The following KIAA1217 variants were observed in gnomAD, a reference collection of about 807,000 sequenced individuals.
The protein encoded by KIAA1217 is KIAA1217.
In KIAA1217, 88 loss-of-function variants were observed where a neutral mutation model predicts 163.9. The ratio of observed to expected loss-of-function variants is 0.54; its 90% CI spans 0.45 to 0.64. The LOEUF is 0.64. Ranked by LOEUF, KIAA1217 falls within the 30% of genes least tolerant of loss-of-function variation. KIAA1217 has a pLI of 0.00. For missense variants in KIAA1217, 2,372 were observed against 2,475.0 expected (o/e 0.96, Z 0.88); for synonymous variants, 903 against 923.1 (o/e 0.98, Z 0.39).
At chr10:24,035,098 C>G (rs185067404) in intron 2 of KIAA1217, among the ~76,000 whole-genome samples, 2 of 152,300 alleles carry the variant, frequency 1.3e-5, no homozygotes, top group East Asian at 3.9e-4. Flanking sequence ...GATTCTAGGG[C>G]CAGACTGACT....
Position 23,934,778 on chromosome 10 carries a change from C to T in KIAA1217, c.-320-72447C>T, listed in dbSNP as rs113191659. On this transcript the variant is annotated intron_variant, in intron 1 of 18. Coordinates refer to the KIAA1217 transcript ENST00000376462. ...GACTACAGGCACCCGCCACCACACC[C>T]GGCTAATTTTTTGTATTTTTAGTAG... Among the ~76,000 whole-genome samples the T allele has an allele frequency of 7.6e-3, 1,145 of 150,318 alleles. 9 individuals carry two copies. The highest frequency in any genetic ancestry group is 0.013 in the Non-Finnish European group (853 of 67,570).
Position 23,695,007 on chromosome 10 carries a change from G to A in KIAA1217, c.-548G>A, listed in dbSNP as rs1350215121. The A allele has an allele frequency of 2.0e-5, 3 of 152,186 alleles. No individual in the cohort carries two copies. Among genetic ancestry groups the A allele is most frequent in the Admixed American group, 6.5e-5 (1 of 15,288 alleles). The allele number at this position is 152,186 out of a possible 1,614,324, so 9.4% of individuals were successfully genotyped here. A position where few individuals can be genotyped will look rare whatever the true frequency, so the allele number is the denominator to read the frequency against. On this transcript the variant is annotated 5_prime_UTR_variant, in exon 1 of 19. Transcript: ENST00000376462. The surrounding 1 kb of genome is among the most constrained non-coding windows in gnomAD (Gnocchi z 4.9). ...CGCAGCGCCCTGCGCAGCATCCCCGGGCTGCCAGAAGAGGCCACCACTCGG... is the reference window on the plus strand; with the variant it reads ...CGCAGCGCCCTGCGCAGCATCCCCGAGCTGCCAGAAGAGGCCACCACTCGG...
intron 2 of KIAA1217, among the ~76,000 whole-genome samples, chr10:24,139,365 A>G (rs917860843): frequency 2.0e-5 from 3 of 152,174 alleles, no homozygotes; most frequent in African/African-American, 7.2e-5. Context: ...TTTTTTGAGT[A>G]TATATTGATT....
intron 1 of KIAA1217, among the ~76,000 whole-genome samples, chr10:23,731,689 G>A (rs1413582942): frequency 6.6e-6 from 1 of 152,092 alleles, no homozygotes; most frequent in African/African-American, 2.4e-5. Flanking sequence ...GATCTTGGTA[G>A]GAAAGCTTCG....
intron 16 of KIAA1217, among the ~76,000 whole-genome samples, chr10:24,536,180 A>C (rs1023279604): frequency 2.6e-5 from 4 of 152,274 alleles, no homozygotes; most frequent in South Asian, 2.1e-4. Flanking sequence ...TTCAGAGACA[A>C]ATCTCCAGGG....
At chr10:24,436,914 A>G (rs137878375) in intron 4 of KIAA1217, among the ~76,000 whole-genome samples, 61 of 152,154 alleles carry the variant, frequency 4.0e-4, no homozygotes, top group African/African-American at 1.4e-3. Context: ...ACAGTTGCCT[A>G]TCTCATCATT....
chr10:24,397,243 C>A (rs1243975023), intron 3 of KIAA1217, among the ~76,000 whole-genome samples: 1 of 151,470 alleles, frequency 6.6e-6, no homozygotes, highest in Non-Finnish European at 1.5e-5. Flanking sequence ...GCATGCAGCA[C>A]CACACCCGGC....
intron 9 of KIAA1217, 40 bp from the exon 10 acceptor site, chr10:24,513,219 C>T: frequency 6.3e-7 from 1 of 1,597,472 alleles, no homozygotes. Flanking sequence ...CCATTTCAGG[C>T]AGGCAGAGCC....
In KIAA1217 at chr10:24,433,077, T is replaced by G. The variant is rs778582750; in HGVS notation, c.636T>G (p.Ala212=). ...NEITSADTIR[A]LFVSAFPQQL... is the part of the protein sequence containing the mutation. ...TCACAAGTGCAGACACAATCCGTGC[T>G]CTCTTCGTAAGTGCCTTTCCACAGC... Residue 212 remains alanine (A), a synonymous_variant, in exon 4 of 21, where the codon GCT becomes GCG. Coordinates refer to ENST00000376454, the MANE Select transcript of KIAA1217 (RefSeq NM_019590.5). The G allele has an allele frequency of 8.1e-6, 13 of 1,614,008 alleles. No individual in the cohort carries two copies. In the Admixed American group the frequency reaches 2.2e-4, roughly 27 times the overall value.
rs560756733 is a variant in KIAA1217 at position 24,408,681 on chromosome 10, C to G, written c.554-24314C>G. 5.6e-4 allele frequency among the ~76,000 whole-genome samples: 85 copies of G among 152,096 alleles called. 1 individual carries two copies. Among genetic ancestry groups the G allele is most frequent in the African/African-American group, 2.0e-3 (85 of 41,470 alleles). ...CTTTGTACTTTCTGTTCTTTTTTGCCTGATATGTTCTTCTCCTAGATGTCT... is the reference window on the plus strand; with the variant it reads ...CTTTGTACTTTCTGTTCTTTTTTGCGTGATATGTTCTTCTCCTAGATGTCT... On this transcript the variant is annotated intron_variant, in intron 3 of 20. Transcript: ENST00000376454.
Position 24,545,292 on chromosome 10 carries a change from C to T in KIAA1217, c.5334+189C>T, listed in dbSNP as rs928290793. 19 of 1,407,612 alleles carry T rather than the reference C, an allele frequency of 1.3e-5. No individual in the cohort carries two copies. The African/African-American group carries it at 2.7e-4, about 20-fold the overall frequency. The allele number at this position is 1,407,612 out of a possible 1,614,324, so 87.2% of individuals were successfully genotyped here. On this transcript the variant is annotated intron_variant, in intron 20 of 20. Transcript: ENST00000376454. Reference sequence around the variant, plus strand: ...TTTTTACCACGCTTTTGCATGCTTGCAATAAAACATCTTTTACTTTGTGAC... The same window carrying T: ...TTTTTACCACGCTTTTGCATGCTTGTAATAAAACATCTTTTACTTTGTGAC...
intron 2 of KIAA1217, among the ~76,000 whole-genome samples, chr10:24,296,746 G>T (rs2040662882): frequency 6.6e-6 from 1 of 151,838 alleles, no homozygotes; most frequent in African/African-American, 2.4e-5. Context: ...TTCATTTTTT[G>T]TGTACCCTCA....
intron 3 of KIAA1217, among the ~76,000 whole-genome samples, chr10:24,410,745 G>A (rs192212565): frequency 9.8e-5 from 15 of 152,318 alleles, no homozygotes; most frequent in Admixed American, 8.5e-4. Flanking sequence ...TGATTTGACC[G>A]AGGTCATCAA....
At chr10:23,739,511 G>A (rs769843463) in intron 1 of KIAA1217, among the ~76,000 whole-genome samples, 2 of 152,166 alleles carry the variant, frequency 1.3e-5, no homozygotes, top group African/African-American at 2.4e-5. Context: ...GAGTGTCAGC[G>A]TGGCTTGAGC....
intron 2 of KIAA1217, among the ~76,000 whole-genome samples, chr10:24,282,854 A>G (rs1300530655): frequency 2.0e-5 from 2 of 98,720 alleles, no homozygotes; most frequent in Non-Finnish European, 3.8e-5. Context: ...TTTTTTTCAG[A>G]CGGAGTTTCA....
chr10:24,013,140 G>A (rs1424651417), intron 2 of KIAA1217, among the ~76,000 whole-genome samples: 1 of 151,984 alleles, frequency 6.6e-6, no homozygotes, highest in Admixed American at 6.6e-5. Context: ...CCTTTTGCAT[G>A]TTCAGTGGTG....
chr10:23,750,688 T>A (rs1201703559), intron 1 of KIAA1217, among the ~76,000 whole-genome samples: 1 of 152,160 alleles, frequency 6.6e-6, no homozygotes, highest in African/African-American at 2.4e-5. Flanking sequence ...TGGCTTGATA[T>A]ACACTTGTTC....
chr10:24,514,737 C>T (rs999781888), intron 10 of KIAA1217, among the ~76,000 whole-genome samples: 52 of 152,102 alleles, frequency 3.4e-4, no homozygotes, highest in African/African-American at 1.2e-3. Context: ...TACCTGTAAT[C>T]CCAGCACTTT....
intron 2 of KIAA1217, among the ~76,000 whole-genome samples, chr10:24,364,039 C>A (rs1204239276): frequency 6.6e-6 from 1 of 150,418 alleles, no homozygotes; most frequent in African/African-American, 2.5e-5. Flanking sequence ...GGTGCAATGG[C>A]GCAGTCTTGG....
Sources: allele counts gnomAD v4.1 joint callset (sites outside exome capture counted in the v4.1 genomes callset), GRCh38; gene constraint gnomAD v4.1.1; non-coding constraint Gnocchi (gnomAD v3.1); transcripts MANE v1.5; gene names NCBI Gene and HGNC (gene_info 2026-07-23, HGNC 2026-07-21).